COL12A1: variants seen among roughly 807,000 people sequenced by gnomAD.
COL12A1 encodes the protein collagen type XII alpha 1 chain.
Under a neutral mutation model 349.7 loss-of-function variants are expected in COL12A1, and 114 were observed. The ratio of observed to expected loss-of-function variants is 0.33; its 90% CI spans 0.28 to 0.38. COL12A1 has a LOEUF of 0.38. Among genes scored for constraint, COL12A1 ranks in the 10% least tolerant of loss-of-function variants. COL12A1 has a pLI of 1.00. For synonymous variants in COL12A1, 1,369 were observed against 1,329.0 expected (o/e 1.03, Z -0.66); for missense variants, 3,284 against 3,756.9 (o/e 0.87, Z 3.29).
At position 75,177,921 on chromosome 6, in the gene COL12A1, G is replaced by A. The variant is rs1064796670; in HGVS notation, c.2179C>T (p.Arg727Ter). ...GTCTCATCTGTCACCTTTAGGTTTC[G>A]AGGTGCTCCTTTTACTGAAATAAAA... ...ETTEEVKGAP[R>*]NLKVTDETTD... Residue 727 changes from arginine (R) to a stop codon, truncating the protein, a stop_gained, in exon 12 of 66, where the codon CGA becomes TGA. Coordinates refer to ENST00000322507, the MANE Select transcript of COL12A1 (RefSeq NM_004370.6). LOFTEE classifies it high-confidence loss of function. 2 of 1,604,554 alleles carry A rather than the reference G, an allele frequency of 1.2e-6. No homozygotes were observed. Among genetic ancestry groups the A allele is most frequent in the Non-Finnish European group, 1.7e-6 (2 of 1,178,508 alleles).
At chr6:75,139,787 G>A (rs1015314642) in intron 27 of COL12A1, among the ~76,000 whole-genome samples, 3 of 152,162 alleles carry the variant, frequency 2.0e-5, no homozygotes, top group Admixed American at 2.0e-4. Context: ...AGACCCAAAT[G>A]ACTGCTGAAA....
intron 17 of COL12A1, among the ~76,000 whole-genome samples, chr6:75,152,733 G>A (rs528912199): frequency 3.8e-4 from 58 of 152,154 alleles, no homozygotes; most frequent in South Asian, 1.9e-3. Context: ...TCTTTGACTC[G>A]ATTTCCTGCC....
rs1040707596 is a variant in COL12A1 at position 75,124,182 on chromosome 6, C to T, written c.6724+73G>A. 5.0e-6 allele frequency: 8 copies of T among 1,592,528 alleles called. No homozygotes were observed. The African/African-American group carries it at 9.5e-5, about 19-fold the overall frequency. On this transcript the variant is annotated intron_variant, in intron 41 of 65. Transcript: ENST00000322507. ...TATCGCATTGTTATAAACAAAATGG[C>T]ATCTTCTTTACTGAAATTTAAAATG... is the stretch of plus-strand genomic sequence containing the variant.
At chr6:75,136,531 A>G (rs1268833790) in intron 31 of COL12A1, among the ~76,000 whole-genome samples, 3 of 152,186 alleles carry the variant, frequency 2.0e-5, no homozygotes, top group Non-Finnish European at 4.4e-5. Context: ...CTAAACTGAT[A>G]AGAGAAATGA....
At chr6:75,091,719 TTCTCTCTCTC>T (rs371292617) in intron 60 of COL12A1, among the ~76,000 whole-genome samples, 194 bp from the exon 61 acceptor site, 1 of 150,506 alleles carries the variant, frequency 6.6e-6, no homozygotes, top group Non-Finnish European at 1.5e-5. Context: ...CTCTCTCTCT[TTCTCTCTCTC>T]TCTCTGAAGC....
intron 13 of COL12A1, among the ~76,000 whole-genome samples, chr6:75,173,445 C>A (rs536619366): frequency 6.6e-6 from 1 of 151,926 alleles, no homozygotes; most frequent in East Asian, 1.9e-4. Flanking sequence ...GGTGCAATCT[C>A]GGCTCACTGC....
At chr6:75,173,115 A>G (rs936074506) in intron 13 of COL12A1, among the ~76,000 whole-genome samples, 9 of 152,276 alleles carry the variant, frequency 5.9e-5, no homozygotes, top group Middle Eastern at 3.4e-3. Flanking sequence ...ACAGTTTCCA[A>G]TGAATTTCAC....
chr6:75,186,497 G>C (rs963741694), intron 8 of COL12A1, among the ~76,000 whole-genome samples: 2 of 152,176 alleles, frequency 1.3e-5, no homozygotes, highest in African/African-American at 2.4e-5. Flanking sequence ...TGGAGAAAAA[G>C]GAATGCTTAT....
intron 13 of COL12A1, among the ~76,000 whole-genome samples, chr6:75,170,331 G>T (rs552938932): frequency 6.6e-6 from 1 of 152,246 alleles, no homozygotes; most frequent in South Asian, 2.1e-4. Flanking sequence ...AAATCAATTT[G>T]TCTTTTCCAT....
rs577705696 is a variant in COL12A1 at position 75,093,676 on chromosome 6, A to T, written c.8649+1432T>A. On this transcript the variant is annotated intron_variant, in intron 60 of 65. Coordinates refer to ENST00000322507, the MANE Select transcript of COL12A1 (RefSeq NM_004370.6). ...TTGTGGAAACACATATTGTATTTGG[A>T]GCATTTTACAAATGCAGGATTTTTT... Among the ~76,000 whole-genome samples, 566 of 152,314 alleles carry T rather than the reference A, an allele frequency of 3.7e-3. 2 individuals carry two copies. Among genetic ancestry groups the T allele is most frequent in the Non-Finnish European group, 6.8e-3 (462 of 68,010 alleles).
In COL12A1 at chr6:75,170,617, T is replaced by C. The variant is rs1768576737; in HGVS notation, c.2710+4421A>G. On this transcript the variant is annotated intron_variant, in intron 13 of 65. Transcript: ENST00000322507. Reference sequence around the variant, plus strand: ...TATCACCTCTCCACATTGACTTCAATTTTTATCTGACAAGCAATTAATTCA... The same window carrying C: ...TATCACCTCTCCACATTGACTTCAACTTTTATCTGACAAGCAATTAATTCA... Among the ~76,000 whole-genome samples, 3 of 152,230 alleles carry C rather than the reference T, an allele frequency of 2.0e-5. No individual in the cohort carries two copies. The East Asian group carries it at 5.8e-4, about 29-fold the overall frequency.
chr6:75,154,655 T>G (rs919531857), intron 16 of COL12A1, 118 bp from the exon 17 acceptor site: 17 of 1,016,368 alleles, frequency 1.7e-5, no homozygotes, highest in Non-Finnish European at 2.2e-5. Context: ...ATGAAGAGTT[T>G]ATAGTGTACA....
At chr6:75,143,452 T>C (rs1767014737) in intron 25 of COL12A1, 64 bp from the exon 26 acceptor site, 2 of 1,556,034 alleles carry the variant, frequency 1.3e-6, no homozygotes, top group Non-Finnish European at 1.7e-6. Context: ...AAAGCATCCA[T>C]GCAAGCTTTC....
At chr6:75,122,560 A>G (rs1765796535) in intron 43 of COL12A1, among the ~76,000 whole-genome samples, 1 of 152,200 alleles carries the variant, frequency 6.6e-6, no homozygotes, top group Admixed American at 6.5e-5. Flanking sequence ...TTATTTACTG[A>G]ATTTCTTTCT....
At chr6:75,128,894 T>C (rs770125063) in intron 37 of COL12A1, among the ~76,000 whole-genome samples, 5 of 152,214 alleles carry the variant, frequency 3.3e-5, no homozygotes, top group Middle Eastern at 3.2e-3. Flanking sequence ...ACTAACTTTC[T>C]GGCCTCAAAA....
At chr6:75,157,841 G>A (rs1767836368) in intron 14 of COL12A1, among the ~76,000 whole-genome samples, 1 of 152,144 alleles carries the variant, frequency 6.6e-6, no homozygotes, top group Non-Finnish European at 1.5e-5. Flanking sequence ...CACAGGGTTA[G>A]AAATGTTCCC....
Position 75,138,836 on chromosome 6 carries a change from A to G in COL12A1, c.5083T>C (p.Ser1695Pro). 6.2e-7 allele frequency: 1 copy of G among 1,614,100 alleles called. No individual in the cohort carries two copies. The highest frequency in any genetic ancestry group is 8.5e-7 in the Non-Finnish European group (1 of 1,179,952). ...YRITWAPFGS[S>P]DKMETILNGD... ...GAGTTAACTACCTCCATCTTATCTG[A>G]GCTTCCAAAAGGTGCCCAAGTTATT... is the stretch of plus-strand genomic sequence containing the variant. The change falls in exon 28 of 66, where the codon TCA becomes CCA. Residue 1695 changes from serine (S) to proline (P), a missense_variant. Around this residue, in one of 2 missense-constraint regions of COL12A1, gnomAD observed 2,601 missense variants for 2,824.8 expected, o/e 0.92. Coordinates refer to ENST00000322507, the MANE Select transcript of COL12A1 (RefSeq NM_004370.6).
At chr6:75,155,426 T>C (rs1308879834) in intron 16 of COL12A1, among the ~76,000 whole-genome samples, 1 of 152,134 alleles carries the variant, frequency 6.6e-6, no homozygotes, top group African/African-American at 2.4e-5. Flanking sequence ...AAACAAAAAT[T>C]ATTAAACATT....
At chr6:75,106,764 AAG>A (rs2149349714) in intron 52 of COL12A1, among the ~76,000 whole-genome samples, 1 of 152,268 alleles carries the variant, frequency 6.6e-6, no homozygotes, top group East Asian at 1.9e-4. Flanking sequence ...GTCTACGAGA[AAG>A]AGATAGAAAA....
Sources: gnomAD v4.1 joint callset for allele counts (sites outside exome capture counted in the v4.1 genomes callset) on GRCh38, gnomAD v4.1.1 for gene constraint, gnomAD v4.1.1 regional missense constraint, MANE v1.5 for transcripts, NCBI Gene and HGNC (gene_info 2026-07-23, HGNC 2026-07-21) for gene names.